ANKRD6: variants seen among roughly 807,000 people sequenced by gnomAD.
ANKRD6 encodes the protein ankyrin repeat domain 6.
A neutral mutation model predicts 82.3 loss-of-function variants in ANKRD6; 56 were observed. The ratio of observed to expected loss-of-function variants is 0.68; its 90% CI spans 0.55 to 0.85. ANKRD6 has a LOEUF of 0.85. Among genes scored for constraint, ANKRD6 ranks in the 40% least tolerant of loss-of-function variants. The pLI is 0.00. For synonymous variants in ANKRD6, 347 were observed against 352.1 expected (o/e 0.99, Z 0.16); for missense variants, 852 against 907.6 (o/e 0.94, Z 0.79).
intron 1 of ANKRD6, among the ~76,000 whole-genome samples, chr6:89,476,386 G>A (rs1351217294): frequency 5.3e-5 from 8 of 151,906 alleles, no homozygotes; most frequent in African/African-American, 1.7e-4. Flanking sequence ...ACAGGATTTC[G>A]CCATGTTGGC....
chr6:89,563,991 C>T (rs1787945527), intron 1 of ANKRD6, among the ~76,000 whole-genome samples: 2 of 152,180 alleles, frequency 1.3e-5, no homozygotes, highest in African/African-American at 2.4e-5. Flanking sequence ...AGAAGACCCT[C>T]ATTTGATACC....
chr6:89,596,102 A>C, intron 3 of ANKRD6, 88 bp downstream of exon 3: 1 of 1,133,916 alleles, frequency 8.8e-7, no homozygotes, highest in South Asian at 1.3e-5. Flanking sequence ...GTGAGATGGG[A>C]GGGTAGTAGA....
At chr6:89,590,912 G>C (rs1227111376) in intron 2 of ANKRD6, among the ~76,000 whole-genome samples, 1 of 152,156 alleles carries the variant, frequency 6.6e-6, no homozygotes, top group African/African-American at 2.4e-5. Flanking sequence ...AAATTCTTAA[G>C]ATAGTGCCTT....
chr6:89,628,320 A>G, intron 14 of ANKRD6: 1 of 160,360 alleles, frequency 6.2e-6, no homozygotes, highest in Non-Finnish European at 1.3e-5. Context: ...TACAAGAAGC[A>G]TGCTGCCAAC....
At chr6:89,628,150 G>A (rs2128279580) in intron 14 of ANKRD6, 1 of 168,506 alleles carries the variant, frequency 5.9e-6, no homozygotes, top group East Asian at 1.6e-4. Flanking sequence ...GTTTAAGGTG[G>A]CTCTAGTCAC....
At chr6:89,499,553 G>C (rs571692246) in intron 1 of ANKRD6, among the ~76,000 whole-genome samples, 1 of 152,118 alleles carries the variant, frequency 6.6e-6, no homozygotes, top group Non-Finnish European at 1.5e-5. Context: ...GGTTGGGGTC[G>C]CAGTGCTGGG....
chr6:89,445,866 C>T (rs759573002), intron 1 of ANKRD6, among the ~76,000 whole-genome samples: 2 of 152,068 alleles, frequency 1.3e-5, no homozygotes, highest in Non-Finnish European at 2.9e-5. Context: ...CCATGAGCCA[C>T]TGCGCCCGGC....
At chr6:89,535,399 A>G (rs902996891) in intron 1 of ANKRD6, among the ~76,000 whole-genome samples, 31 of 152,342 alleles carry the variant, frequency 2.0e-4, no homozygotes, top group African/African-American at 7.5e-4. Flanking sequence ...CAGCCATTGC[A>G]TTTTGACAGC....
intron 9 of ANKRD6, chr6:89,618,460 C>A: frequency 2.1e-6 from 1 of 479,178 alleles, no homozygotes; most frequent in Non-Finnish European, 3.7e-6. Flanking sequence ...CGATTCTGGG[C>A]AGATAGTCGC....
intron 1 of ANKRD6, among the ~76,000 whole-genome samples, chr6:89,513,762 A>G (rs532027046): frequency 6.6e-6 from 1 of 152,380 alleles, no homozygotes; most frequent in East Asian, 1.9e-4. Flanking sequence ...AAAGGCATTA[A>G]TGTTAGTCTT....
chr6:89,603,203 C>T, intron 4 of ANKRD6, 76 bp downstream of exon 4: 3 of 1,375,592 alleles, frequency 2.2e-6, no homozygotes, highest in Non-Finnish European at 3.0e-6. Flanking sequence ...GGAGCCCGCT[C>T]TGGAAACTTT....
intron 4 of ANKRD6, 83 bp downstream of exon 4, chr6:89,603,210 CTT>C (rs1425221121): frequency 1.7e-6 from 2 of 1,152,146 alleles, no homozygotes; most frequent in African/African-American, 1.5e-5. Context: ...GCTCTGGAAA[CTT>C]TTGAGTCCTC....
intron 1 of ANKRD6, among the ~76,000 whole-genome samples, chr6:89,555,629 T>C (rs772203886): frequency 1.3e-5 from 2 of 152,134 alleles, no homozygotes; most frequent in South Asian, 2.1e-4. Flanking sequence ...TTGGACAAGA[T>C]TTAAAGAGAA....
chr6:89,623,130 G>A (rs1463075877), intron 10 of ANKRD6, among the ~76,000 whole-genome samples: 2 of 152,048 alleles, frequency 1.3e-5, no homozygotes, highest in African/African-American at 4.8e-5. Flanking sequence ...TTTGTGTCGG[G>A]TAGGTTCCTG....
rs1190254489 is a variant in ANKRD6 at position 89,450,678 on chromosome 6, C to CT, written c.-144+17316dup. Reference sequence around the variant, plus strand: ...GACTACAAGTCTGCACCACTGCAGACTTTTTTTTTTTTTGTAGAGATGGGG... The same window carrying CT: ...GACTACAAGTCTGCACCACTGCAGACTTTTTTTTTTTTTTGTAGAGATGGGG... On this transcript the variant is annotated intron_variant, in intron 1 of 15. Coordinates refer to ENST00000339746, the MANE Select transcript of ANKRD6 (RefSeq NM_001242809.2). Among the ~76,000 whole-genome samples, 1,346 of 143,698 alleles carry CT rather than the reference C, an allele frequency of 9.4e-3. 12 individuals are homozygous for CT. The highest frequency in any genetic ancestry group is 0.013 in the Non-Finnish European group (855 of 65,212). 94.3% of individuals were successfully genotyped at this position (143,698 alleles called of 152,430 possible). A position where few individuals can be genotyped will look rare whatever the true frequency, so the allele number is the denominator to read the frequency against.
At chr6:89,593,897 G>A (rs1365503723) in intron 2 of ANKRD6, among the ~76,000 whole-genome samples, 1 of 152,188 alleles carries the variant, frequency 6.6e-6, no homozygotes, top group African/African-American at 2.4e-5. Context: ...TGTCACCCTT[G>A]ATGTGGCACC....
At chr6:89,532,336 T>C (rs947013678) in intron 1 of ANKRD6, among the ~76,000 whole-genome samples, 4 of 152,226 alleles carry the variant, frequency 2.6e-5, no homozygotes, top group African/African-American at 9.6e-5. Flanking sequence ...TCTAATATGT[T>C]ACATTAATTC....
At chr6:89,550,635 A>T (rs1301270702) in intron 1 of ANKRD6, among the ~76,000 whole-genome samples, 1 of 152,158 alleles carries the variant, frequency 6.6e-6, no homozygotes, top group Admixed American at 6.5e-5. Context: ...CTGTAAGTGT[A>T]CACTTTTCTA....
chr6:89,558,893 G>A (rs1249607687), intron 1 of ANKRD6, among the ~76,000 whole-genome samples: 1 of 152,056 alleles, frequency 6.6e-6, no homozygotes, highest in East Asian at 1.9e-4. Context: ...CGCTCTAAAA[G>A]TCTATCAGTG....
Sources: allele counts gnomAD v4.1 joint callset (sites outside exome capture counted in the v4.1 genomes callset), GRCh38; gene constraint gnomAD v4.1.1; transcripts MANE v1.5; gene names NCBI Gene and HGNC (gene_info 2026-07-23, HGNC 2026-07-21).